UBA7: variants seen among roughly 807,000 people sequenced by gnomAD.
The protein encoded by UBA7 is ubiquitin like modifier activating enzyme 7.
Under a neutral mutation model 113.0 loss-of-function variants are expected in UBA7, and 88 were observed. The observed-to-expected ratio is 0.78, with a 90% confidence interval of 0.66 to 0.93. The LOEUF (loss-of-function observed/expected upper bound fraction) is 0.93. Among genes scored for constraint, UBA7 ranks in the 40% least tolerant of loss-of-function variants. UBA7 has a pLI of 0.00. For missense variants in UBA7, 1,092 were observed against 1,266.4 expected, an observed-to-expected ratio of 0.86 and a Z score of 2.09; for synonymous variants, 459 against 513.0, an observed-to-expected ratio of 0.89 and a Z score of 1.42.
rs746253013 is a variant in UBA7, at chr3:49,811,373, A to G, written c.1022T>C (p.Leu341Pro). 1 of 1,613,882 alleles carries G rather than the reference A, an allele frequency of 6.2e-7. No individual in the cohort carries two copies. The highest frequency in any genetic ancestry group is 8.5e-7 in the Non-Finnish European group (1 of 1,179,928). ...GACTGTCCGCACTAGGGCCTCATCC[A>G]GTGGCTCTTCCAGTGGCTCTTCCTC... Reference protein sequence around the residue: ...RTEEEPLEEPLDEALVRTVAL... With the variant: ...RTEEEPLEEPPDEALVRTVAL... Residue 341 changes from leucine (L) to proline (P), a missense_variant, in exon 9 of 24, where the codon CTG becomes CCG. Transcript: ENST00000333486.
At chr3:49,806,195 C>T in intron 21 of UBA7, 30 bp from the exon 22 acceptor site, 1 of 1,542,362 alleles carries the variant, frequency 6.5e-7, no homozygotes, top group Non-Finnish European at 8.8e-7. Flanking sequence ...GAGTCAGAGA[C>T]TTCTTACCTC....
At position 49,808,077 on chromosome 3, in the gene UBA7, T is replaced by C; in HGVS notation, c.2466A>G (p.Val822=). 4.3e-6 allele frequency: 7 copies of C among 1,614,176 alleles called. No individual in the cohort carries two copies. Among genetic ancestry groups the C allele is most frequent in the Non-Finnish European group, 5.9e-6 (7 of 1,180,014 alleles). The change falls in exon 20 of 24, where the codon GTA becomes GTG. Residue 822 remains valine, a synonymous_variant. Coordinates refer to ENST00000333486, the MANE Select transcript of UBA7 (RefSeq NM_003335.3). ...DDSNFHVDFV[V]AAASLRCQNY... ...TCTGACATCTCAGGCTAGCTGCCGC[T>C]ACCACAAAGTCCACATGGAAGTTGC...
Position 49,811,003 on chromosome 3 carries a change from C to T in UBA7, c.1211G>A (p.Ser404Asn), listed in dbSNP as rs369642313. 174 of 1,614,048 alleles carry T rather than the reference C, an allele frequency of 1.1e-4. No homozygotes were observed. Among genetic ancestry groups the T allele is most frequent in the Non-Finnish European group, 1.5e-4 (172 of 1,180,016 alleles). Reference protein sequence around the residue: ...CLPEDGELLPSPEDCALRGSR... With the variant: ...CLPEDGELLPNPEDCALRGSR... ...TCTCACCAGGGCACAGTCCTCAGGACTGGGAAGGAGCTCCCCATCTTCCGG... is the reference window on the plus strand; with the variant it reads ...TCTCACCAGGGCACAGTCCTCAGGATTGGGAAGGAGCTCCCCATCTTCCGG... Residue 404 changes from serine to asparagine, a missense_variant, in exon 10 of 24, where the codon AGT becomes AAT. Coordinates refer to ENST00000333486, the MANE Select transcript of UBA7 (RefSeq NM_003335.3).
Position 49,810,694 on chromosome 3 carries a change from G to T in UBA7, c.1312-22C>A. 12 of 1,614,094 alleles carry T rather than the reference G, an allele frequency of 7.4e-6. No individual in the cohort carries two copies. The highest frequency in any genetic ancestry group is 1.3e-5 in the African/African-American group (1 of 75,048). ...CCACCTGTTGGCAGGAACAGCCTTAGCCAGAGGGGCTGGGCTGGCTCTCCC... is the reference window on the plus strand; with the variant it reads ...CCACCTGTTGGCAGGAACAGCCTTATCCAGAGGGGCTGGGCTGGCTCTCCC... On this transcript the variant is annotated intron_variant, in intron 11 of 23. Transcript: ENST00000333486. This position sits in a 1 kb window ranked among gnomAD's most constrained non-coding sequence, Gnocchi z 5.6.
chr3:49,812,597 C>G (rs370915371), intron 5 of UBA7, 51 bp downstream of exon 5: 2 of 1,614,030 alleles, frequency 1.2e-6, no homozygotes, highest in African/African-American at 2.7e-5. Context: ...TCCACAGGCC[C>G]TGGCAGCCTC....
rs746598732 is a variant in UBA7, at chr3:49,813,712, C to T, written c.56+20G>A. ...GGTCTGAAGACCATCCCACTCTCCACCCCCCACCTCGGGCCTCACAGCTGT... is the reference window on the plus strand; with the variant it reads ...GGTCTGAAGACCATCCCACTCTCCATCCCCCACCTCGGGCCTCACAGCTGT... On this transcript the variant is annotated intron_variant, in intron 1 of 23. Coordinates refer to ENST00000333486, the MANE Select transcript of UBA7 (RefSeq NM_003335.3). The T allele has an allele frequency of 5.0e-6, 8 of 1,614,070 alleles. No homozygotes were observed. The highest frequency in any genetic ancestry group is 1.6e-4 in the Middle Eastern group (1 of 6,084).
At chr3:49,811,241 C>T in intron 9 of UBA7, 32 bp downstream of exon 9, 4 of 1,612,962 alleles carry the variant, frequency 2.5e-6, no homozygotes, top group Non-Finnish European at 2.5e-6. Flanking sequence ...CCACATCTTC[C>T]CAGTACCCCC....
chr3:49,811,749 A>C, intron 8 of UBA7, 121 bp downstream of exon 8: 1 of 1,501,414 alleles, frequency 6.7e-7, no homozygotes, highest in Non-Finnish European at 9.1e-7. Context: ...ACCAGTCTCT[A>C]CTCTAAAGGC....
Position 49,811,393 on chromosome 3 carries a change from T to G in UBA7, c.1002A>C (p.Glu334Asp), listed in dbSNP as rs557649049. 1.2e-6 allele frequency: 2 copies of G among 1,612,922 alleles called. No homozygotes were observed. The highest frequency in any genetic ancestry group is 2.2e-5 in the East Asian group (1 of 44,798). The stretch of plus-strand genomic sequence containing the variant: ...CATCCAGTGGCTCTTCCAGTGGCTC[T>G]TCCTCTGTCCGCTTCAGTGGTTCCA... ...RDLEPLKRTEEEPLEEPLDEA... is the reference protein window; with the variant it reads ...RDLEPLKRTEDEPLEEPLDEA... The change falls in exon 9 of 24, where the codon GAA (glutamate) becomes GAC (aspartate). Residue 334 changes from glutamate to aspartate, a missense_variant. Around this residue, in one of 3 missense-constraint regions of UBA7, gnomAD observed 584 missense variants for 714.5 expected, o/e 0.82. Transcript: ENST00000333486.
At chr3:49,805,730 C>T (rs1041888112) in intron 23 of UBA7, among the ~76,000 whole-genome samples, 167 bp downstream of exon 23, 1 of 152,152 alleles carries the variant, frequency 6.6e-6, no homozygotes, top group African/African-American at 2.4e-5. Context: ...CTCAGGCTCT[C>T]GGCCCTCACC....
At position 49,808,047 on chromosome 3, in the gene UBA7, G is replaced by A. The variant is rs369854712; in HGVS notation, c.2496C>T (p.Tyr832=). The part of the protein sequence containing the change: ...VAAASLRCQN[Y]GIPPVNRAQS... ...GGGCACGGTTGACCGGTGGAATCCC[G>A]TAGTTCTGACATCTCAGGCTAGCTG... The change falls in exon 20 of 24, where the codon TAC becomes TAT. Residue 832 remains tyrosine, a synonymous_variant. Coordinates refer to ENST00000333486, the MANE Select transcript of UBA7 (RefSeq NM_003335.3). 26 of 1,613,992 alleles carry A rather than the reference G, an allele frequency of 1.6e-5. No homozygotes were observed. Among genetic ancestry groups the A allele is most frequent in the African/African-American group, 1.3e-4 (10 of 74,950 alleles).
In UBA7 at chr3:49,813,496, A is replaced by G. The variant is rs765726926; in HGVS notation, c.208T>C (p.Ser70Pro). Residue 70 changes from serine to proline, a missense_variant, in exon 2 of 24, where the codon TCC (serine) becomes CCC (proline). Around this residue, in one of 3 missense-constraint regions of UBA7, gnomAD observed 584 missense variants for 714.5 expected, o/e 0.82. Transcript: ENST00000333486. ...ACACTTACCTGGGCAGCCAGGTCGG[A>G]CCAGCAGGTGGGGTGGGGATCATGC... ...TLHDPHPTCW[S>P]DLAAQFLLSE... is the part of the protein sequence containing the mutation. 133 of 1,613,736 alleles carry G rather than the reference A, an allele frequency of 8.2e-5. No homozygotes were observed. Among genetic ancestry groups the G allele is most frequent in the Admixed American group, 4.2e-4 (25 of 60,010 alleles).
chr3:49,812,313 GT>G, intron 6 of UBA7, 94 bp downstream of exon 6: 2 of 1,610,448 alleles, frequency 1.2e-6, no homozygotes, highest in Non-Finnish European at 1.7e-6. Flanking sequence ...CTTGTAGAAG[GT>G]GGAGGGAGAA....
chr3:49,811,744 T>C, intron 8 of UBA7, 126 bp downstream of exon 8: 1 of 1,486,990 alleles, frequency 6.7e-7, no homozygotes, highest in Non-Finnish European at 9.1e-7. Flanking sequence ...ATGGAACCAG[T>C]CTCTACTCTA....
rs772641963 is a variant in UBA7, at chr3:49,810,012, C to T, written c.1805G>A (p.Arg602Gln). The T allele has an allele frequency of 2.4e-5, 39 of 1,613,706 alleles. No individual in the cohort carries two copies. The highest frequency in any genetic ancestry group is 6.7e-5 in the East Asian group (3 of 44,884). Residue 602 changes from arginine to glutamine, a missense_variant, in exon 14 of 24, where the codon CGG becomes CAG. By Grantham distance (43) the Arg-to-Gln change is conservative (BLOSUM62 1). Transcript: ENST00000333486. This position sits in a 1 kb window ranked among gnomAD's most constrained non-coding sequence, Gnocchi z 5.6. ...EDAPYPVCTV[R>Q]YFPSTAEHTL... ...GTGCTCGGCTGTGCTAGGGAAGTAC[C>T]GCACGGTACAGACAGGGTAGGGGGC...
In UBA7 at chr3:49,813,153, C is replaced by A; in HGVS notation, c.376G>T (p.Ala126Ser). Residue 126 changes from alanine to serine, a missense_variant, in exon 4 of 24, where the codon GCT becomes TCT. Physicochemically the swap from Ala to Ser is moderately conservative, Grantham distance 99. This residue lies in a region of UBA7 where 584 missense variants were observed against 714.5 expected (regional missense o/e 0.82). Transcript: ENST00000333486. Reference sequence around the variant, plus strand: ...TTCAGCTGCTCCTCCAGCTTTGCAGCAGTCAGCACCACCACCTGGGTGGAC... The same window carrying A: ...TTCAGCTGCTCCTCCAGCTTTGCAGAAGTCAGCACCACCACCTGGGTGGAC... Reference protein sequence around the residue: ...LLDFQVVVLTAAKLEEQLKVG... With the variant: ...LLDFQVVVLTSAKLEEQLKVG... 2 of 1,614,122 alleles carry A rather than the reference C, an allele frequency of 1.2e-6. No individual in the cohort carries two copies. The highest frequency in any genetic ancestry group is 1.7e-6 in the Non-Finnish European group (2 of 1,179,982).
Position 49,807,148 on chromosome 3 carries a change from C to T in UBA7, c.2715+588G>A, listed in dbSNP as rs1167789624. Among the ~76,000 whole-genome samples, 1 of 152,206 alleles carries T rather than the reference C, an allele frequency of 6.6e-6. No individual in the cohort carries two copies. Among genetic ancestry groups the T allele is most frequent in the African/African-American group, 2.4e-5 (1 of 41,454 alleles). ...GTGCCCACATGCATCTCCATGCATG[C>T]CCACATTGAGGACACAGGAAGATGG... is the stretch of plus-strand genomic sequence containing the variant. On this transcript the variant is annotated intron_variant, in intron 21 of 23. Coordinates refer to ENST00000333486, the MANE Select transcript of UBA7 (RefSeq NM_003335.3). The surrounding 1 kb of genome is among the most constrained non-coding windows in gnomAD (Gnocchi z 4.0).
In UBA7 at chr3:49,805,320, G is replaced by C. The variant is rs776164251; in HGVS notation, c.3027C>G (p.His1009Gln). Residue 1009 changes from histidine to glutamine, a missense_variant, in exon 24 of 24, where the codon CAC becomes CAG. By Grantham distance (24) the His-to-Gln change is conservative. Transcript: ENST00000333486. ...GGTGGCTGCCTTGTCACAGCTCATA[G>C]TGCAGAGGTGGGAAGGCAGTGTCCT... ...DDEDTAFPPL[H>Q]YEL 1.9e-6 allele frequency: 3 copies of C among 1,613,918 alleles called. No individual in the cohort carries two copies. The highest frequency in any genetic ancestry group is 1.6e-4 in the Middle Eastern group (1 of 6,062).
chr3:49,811,232 C>T, intron 9 of UBA7, 41 bp downstream of exon 9: 1 of 1,611,868 alleles, frequency 6.2e-7, no homozygotes, highest in Non-Finnish European at 8.5e-7. Context: ...CACTGATCTC[C>T]ACATCTTCCC....
Sources: allele counts gnomAD v4.1 joint callset (sites outside exome capture counted in the v4.1 genomes callset), GRCh38; gene constraint gnomAD v4.1.1; regional missense constraint gnomAD v4.1.1; non-coding constraint Gnocchi (gnomAD v3.1); transcripts MANE v1.5; gene names NCBI Gene and HGNC (gene_info 2026-07-23, HGNC 2026-07-21).